Variants in PIGA observed in about 807,000 individuals in gnomAD.
PIGA encodes phosphatidylinositol N-acetylglucosaminyltransferase subunit A.
Under a neutral mutation model 17.1 loss-of-function variants are expected in PIGA, and 3 were observed. That is an observed-to-expected ratio of 0.18 (90% CI 0.08 to 0.45). PIGA has a LOEUF of 0.45. PIGA is among the 20% of genes least tolerant of loss of function. PIGA has a pLI of 0.99. For synonymous variants in PIGA, 126 were observed against 135.1 expected (o/e 0.93, Z 0.47); for missense variants, 231 against 374.1 (o/e 0.62, Z 3.16).
chrX:15,322,710 G>A (rs1392262527), intron 5 of PIGA, among the ~76,000 whole-genome samples: 2 of 111,555 alleles, frequency 1.8e-5, no homozygotes, highest in Non-Finnish European at 3.8e-5. Context: ...TGTTTTCATC[G>A]AGCTCTTTTA....
rs369608621 is a variant in PIGA, at chrX:15,331,888, C to T, written c.43G>A (p.Ala15Thr). Residue 15 changes from alanine to threonine, a missense_variant, in exon 2 of 6, where the codon GCT (alanine) becomes ACT (threonine). Ala to Thr is a moderately conservative substitution (Grantham distance 58, BLOSUM62 0). Coordinates refer to ENST00000333590, the MANE Select transcript of PIGA (RefSeq NM_002641.4). ...CCAGGGCTAACCCGAGAGAGTGTAG[C>T]TGAGGCACGGTGGCCATTCCCAGCT... is the stretch of plus-strand genomic sequence containing the variant. Reference protein sequence around the residue: ...GGAGNGHRASATLSRVSPGSL... With the variant: ...GGAGNGHRASTTLSRVSPGSL... 5.0e-6 allele frequency: 6 copies of T among 1,207,274 alleles called. No individual in the cohort carries two copies. The highest frequency in any genetic ancestry group is 1.8e-5 in the African/African-American group (1 of 57,048).
chrX:15,320,725 A>G lies in PIGA; in HGVS notation c.*781T>C, dbSNP rs1921780795. On this transcript the variant is annotated 3_prime_UTR_variant, in exon 6 of 6. Transcript: ENST00000333590. ...ACAACTGAAGATGGAGGCTCTACCTAGGAGAATGCATACAACAGGAACAAA... is the reference window on the plus strand; with the variant it reads ...ACAACTGAAGATGGAGGCTCTACCTGGGAGAATGCATACAACAGGAACAAA... The G allele has an allele frequency of 8.9e-6, 1 of 112,475 alleles. No individual in the cohort carries two copies. The highest frequency in any genetic ancestry group is 3.2e-5 in the African/African-American group (1 of 30,941). The allele number at this position is 112,475 out of a possible 1,213,427, so 9.3% of individuals were successfully genotyped here. A position where few individuals can be genotyped will look rare whatever the true frequency, so the allele number is the denominator to read the frequency against.
rs1487939839 is a variant in PIGA, at chrX:15,331,399, T to C, written c.532A>G (p.Thr178Ala). 2 of 1,210,575 alleles carry C rather than the reference T, an allele frequency of 1.7e-6. No individual in the cohort carries two copies. The highest frequency in any genetic ancestry group is 5.9e-5 in the East Asian group (2 of 33,840). The stretch of plus-strand genomic sequence containing the variant: ...TAAGACACACAAATGATGTGGTTTG[T>C]ATCACAAAGAGACACGGTTAGAAGC... ...NKLLTVSLCD[T>A]NHIICVSYTS... The change falls in exon 2 of 6, where the codon ACA (threonine) becomes GCA (alanine). Residue 178 changes from threonine to alanine, a missense_variant. By Grantham distance (58) the Thr-to-Ala change is moderately conservative (BLOSUM62 0). Coordinates refer to ENST00000333590, the MANE Select transcript of PIGA (RefSeq NM_002641.4).
chrX:15,335,252 G>T, intron 1 of PIGA: 1 of 294,498 alleles, frequency 3.4e-6, no homozygotes, highest in Non-Finnish European at 5.9e-6. Context: ...AGTGGACGTT[G>T]GTCTCAGGCC....
chrX:15,321,541 C>G lies in PIGA; in HGVS notation c.1420G>C (p.Gly474Arg). The G allele has an allele frequency of 8.3e-7, 1 of 1,206,497 alleles. No homozygotes were observed. The highest frequency in any genetic ancestry group is 1.1e-6 in the Non-Finnish European group (1 of 890,495). The change falls in exon 6 of 6, where the codon GGG becomes CGG. Residue 474 changes from glycine (G) to arginine (R), a missense_variant. Gly to Arg is a moderately radical substitution (Grantham distance 125). This residue lies in a region of PIGA where 88 missense variants were observed against 100.5 expected (regional missense o/e 0.88). Coordinates refer to ENST00000333590, the MANE Select transcript of PIGA (RefSeq NM_002641.4). The stretch of plus-strand genomic sequence containing the variant: ...TCAGATATCTCATTATTCTCACCCC[C>G]TCTTTTACTGTGAGAATAGTTATTA... Reference protein sequence around the residue: ...WTNNYSHSKRGGENNEISETR With the variant: ...WTNNYSHSKRRGENNEISETR
At chrX:15,324,538 TG>T in intron 5 of PIGA, 126 bp downstream of exon 5, 1 of 531,279 alleles carries the variant, frequency 1.9e-6, no homozygotes, top group Non-Finnish European at 3.2e-6. Context: ...TCTTTTCACC[TG>T]GAAGAGATTT....
At chrX:15,335,476 G>A in intron 1 of PIGA, 25 bp downstream of exon 1, 1 of 989,105 alleles carries the variant, frequency 1.0e-6, no homozygotes, top group Non-Finnish European at 1.3e-6. Flanking sequence ...GAGCGCTGGA[G>A]AGGGGCGGCG....
chrX:15,328,397 CCTGA>C (rs1228024571), intron 2 of PIGA: 1 of 112,076 alleles, frequency 8.9e-6, no homozygotes, highest in African/African-American at 3.2e-5. Flanking sequence ...GCTGGTAAAT[CCTGA>C]CTGAGAGCAA....
At chrX:15,333,844 A>G (rs907975101) in intron 1 of PIGA, among the ~76,000 whole-genome samples, 1 of 112,293 alleles carries the variant, frequency 8.9e-6, no homozygotes, top group African/African-American at 3.2e-5. Context: ...GATAAAGGCT[A>G]AACTAGAGAT....
chrX:15,322,415 T>C (rs1921845432), intron 5 of PIGA, among the ~76,000 whole-genome samples: 1 of 112,228 alleles, frequency 8.9e-6, no homozygotes, highest in Non-Finnish European at 1.9e-5. Flanking sequence ...GTAGATAGTA[T>C]AGGTCAAATG....
At chrX:15,327,145 GCTAC>G (rs1247961333) in intron 2 of PIGA, 2 of 108,728 alleles carry the variant, frequency 1.8e-5, no homozygotes, top group Non-Finnish European at 3.8e-5. Context: ...TGTAGTCCCA[GCTAC>G]TCCGGAGGCT....
At chrX:15,334,003 T>A (rs1416896832) in intron 1 of PIGA, among the ~76,000 whole-genome samples, 1 of 111,123 alleles carries the variant, frequency 9.0e-6, no homozygotes, top group African/African-American at 3.3e-5. Flanking sequence ...ATCTTGGATA[T>A]CTAGTCAAAA....
At chrX:15,323,777 C>T (rs1441533220) in intron 5 of PIGA, among the ~76,000 whole-genome samples, 3 of 111,853 alleles carry the variant, frequency 2.7e-5, no homozygotes, top group Non-Finnish European at 5.6e-5. Context: ...TTGCTATCTA[C>T]TCTAGGCTAA....
Position 15,324,880 on chromosome X carries a change from G to C in PIGA, c.982-9C>G. The C allele has an allele frequency of 8.4e-7, 1 of 1,187,231 alleles. No individual in the cohort carries two copies. Among genetic ancestry groups the C allele is most frequent in the Non-Finnish European group, 1.1e-6 (1 of 877,275 alleles). On this transcript the variant is annotated splice_polypyrimidine_tract_variant and intron_variant, in intron 4 of 5. Coordinates refer to ENST00000333590, the MANE Select transcript of PIGA (RefSeq NM_002641.4). Reference sequence around the variant, plus strand: ...ACTCTGGTACTTACAACCTTAAAAAGAAAGAAAGAACACATACTCCACCAT... The same window carrying C: ...ACTCTGGTACTTACAACCTTAAAAACAAAGAAAGAACACATACTCCACCAT...
chrX:15,334,780 T>C (rs1344268462), intron 1 of PIGA, among the ~76,000 whole-genome samples: 1 of 112,198 alleles, frequency 8.9e-6, no homozygotes, highest in African/African-American at 3.2e-5. Flanking sequence ...CGCCAGGTTT[T>C]CAGTCCAAAC....
At position 15,325,081 on chromosome X, in the gene PIGA, T is replaced by C; in HGVS notation, c.920A>G (p.Asn307Ser). 1 of 1,206,932 alleles carries C rather than the reference T, an allele frequency of 8.3e-7. No homozygotes were observed. Among genetic ancestry groups the C allele is most frequent in the Non-Finnish European group, 1.1e-6 (1 of 892,586 alleles). ...NVLVQGHIFLNTSLTEAFCMA... is the reference protein window; with the variant it reads ...NVLVQGHIFLSTSLTEAFCMA... Reference sequence around the variant, plus strand: ...GCAGAATGCTTCAGTAAGGGAGGTATTCAGAAAAATATGTCCTTGAACTAA... The same window carrying C: ...GCAGAATGCTTCAGTAAGGGAGGTACTCAGAAAAATATGTCCTTGAACTAA... Residue 307 changes from asparagine to serine, a missense_variant, in exon 4 of 6, where the codon AAT becomes AGT. Coordinates refer to ENST00000333590, the MANE Select transcript of PIGA (RefSeq NM_002641.4).
Position 15,320,480 on chromosome X carries a change from T to C in PIGA, c.*1026A>G, listed in dbSNP as rs978640033. On this transcript the variant is annotated 3_prime_UTR_variant, in exon 6 of 6. Transcript: ENST00000333590. ...GCCTTTTGCACACTGACAATACTTATCAGACATCAGCGAGGCCACAGTGAA... is the reference window on the plus strand; with the variant it reads ...GCCTTTTGCACACTGACAATACTTACCAGACATCAGCGAGGCCACAGTGAA... The C allele has an allele frequency of 8.9e-6, 1 of 112,288 alleles. No homozygotes were observed. Among genetic ancestry groups the C allele is most frequent in the Non-Finnish European group, 1.9e-5 (1 of 53,292 alleles). The allele number at this position is 112,288 out of a possible 1,213,427, so 9.3% of individuals were successfully genotyped here. A position where few individuals can be genotyped will look rare whatever the true frequency, so the allele number is the denominator to read the frequency against.
chrX:15,324,392 T>C (rs1459407592), intron 5 of PIGA, among the ~76,000 whole-genome samples: 1 of 112,438 alleles, frequency 8.9e-6, no homozygotes, highest in Non-Finnish European at 1.9e-5. Flanking sequence ...CTCTACTCAT[T>C]GTGACTTTTA....
At chrX:15,327,943 C>T (rs1472942113) in intron 2 of PIGA, 13 of 111,619 alleles carry the variant, frequency 1.2e-4, no homozygotes, top group Non-Finnish European at 2.3e-4. Flanking sequence ...TTTTCCCCAC[C>T]ACTATAAAAA....
Sources: gnomAD v4.1 joint callset for allele counts (sites outside exome capture counted in the v4.1 genomes callset) on GRCh38, gnomAD v4.1.1 for gene constraint, gnomAD v4.1.1 regional missense constraint, MANE v1.5 for transcripts, NCBI Gene and HGNC (gene_info 2026-07-23, HGNC 2026-07-21) for gene names.